The following ADSS2 variants were observed in gnomAD, a reference collection of about 807,000 sequenced individuals.
ADSS2 encodes the protein adenylosuccinate synthetase isozyme 2.
ADSS2 carries 30 observed loss-of-function variants against 60.0 expected under a neutral mutation model. That is an observed-to-expected ratio of 0.50 (90% CI 0.37 to 0.68). The LOEUF is 0.68. Ranked by LOEUF, ADSS2 falls within the 30% of genes least tolerant of loss-of-function variation. ADSS2 has a pLI of 0.00. For missense variants in ADSS2, 373 were observed against 554.8 expected, an observed-to-expected ratio of 0.67 and a Z score of 3.29; for synonymous variants, 187 against 193.1, an observed-to-expected ratio of 0.97 and a Z score of 0.26.
chr1:244,452,050 C>G, upstream of ADSS2: 2 of 375,336 alleles, frequency 5.3e-6, no homozygotes, highest in Non-Finnish European at 9.4e-6. Flanking sequence ...CAGCACCGCC[C>G]GCAGGAAGAG....
rs35132231 is a variant in ADSS2 at position 244,433,859 on chromosome 1, TAAAAAAAAAAA to T, written c.356-1275_356-1265del. Among the ~76,000 whole-genome samples the T allele has an allele frequency of 2.9e-4, 28 of 94,958 alleles. No individual in the cohort carries two copies. In the Admixed American group the frequency reaches 3.1e-3, roughly 11 times the overall value. The allele number at this position is 94,958 out of a possible 152,430, so 62.3% of individuals were successfully genotyped here. A position where few individuals can be genotyped will look rare whatever the true frequency, so the allele number is the denominator to read the frequency against. On this transcript the variant is annotated intron_variant, in intron 3 of 12. Transcript: ENST00000366535. ...TGGCAACAGAGCAAGACTCCATCTT[TAAAAAAAAAAA>T]AAAAAAAAAAAAAGGTAAAGAAAAT...
At chr1:244,449,895 T>C (rs1473872338) in intron 1 of ADSS2, among the ~76,000 whole-genome samples, 1 of 152,190 alleles carries the variant, frequency 6.6e-6, no homozygotes, top group Non-Finnish European at 1.5e-5. Flanking sequence ...AAGACTACTT[T>C]CTCGGTAACA....
Position 244,451,595 on chromosome 1 carries a change from TC to T in ADSS2, c.183+39del. 1.3e-6 allele frequency: 2 copies of T among 1,568,516 alleles called. No individual in the cohort carries two copies. The highest frequency in any genetic ancestry group is 1.7e-6 in the Non-Finnish European group (2 of 1,158,256). On this transcript the variant is annotated intron_variant, in intron 1 of 12. Coordinates refer to ENST00000366535, the MANE Select transcript of ADSS2 (RefSeq NM_001126.5). The surrounding 1 kb of genome is among the most constrained non-coding windows in gnomAD (Gnocchi z 6.6). ...GCACCAGGAGCCAGGCAGCCCGAGC[TC>T]CCGGGCCCGGCTTCCCATGAGAGGC...
intron 3 of ADSS2, among the ~76,000 whole-genome samples, chr1:244,433,859 T>TAAAAAAAAA (rs35132231): frequency 2.1e-5 from 2 of 94,964 alleles, no homozygotes; most frequent in South Asian, 8.3e-4. Context: ...ACTCCATCTT[T>TAAAAAAAAA]AAAAAAAAAA....
At position 244,451,862 on chromosome 1, in the gene ADSS2, A is replaced by G; in HGVS notation, c.-45T>C. On this transcript the variant is annotated 5_prime_UTR_variant, in exon 1 of 13. Transcript: ENST00000366535. The surrounding 1 kb of genome is among the most constrained non-coding windows in gnomAD (Gnocchi z 6.6). Reference sequence around the variant, plus strand: ...GAGCCCGAAGGAGAGGCGGCCGGCGAGGAGTGAGCGAACTGAACTGCTCTG... The same window carrying G: ...GAGCCCGAAGGAGAGGCGGCCGGCGGGGAGTGAGCGAACTGAACTGCTCTG... 1 of 1,502,402 alleles carries G rather than the reference A, an allele frequency of 6.7e-7. No individual in the cohort carries two copies. Among genetic ancestry groups the G allele is most frequent in the Non-Finnish European group, 8.9e-7 (1 of 1,127,494 alleles). The allele number at this position is 1,502,402 out of a possible 1,614,324, so 93.1% of individuals were successfully genotyped here.
In ADSS2 at chr1:244,409,595, T is replaced by A; in HGVS notation, c.1362A>T (p.Gln454His). 7 of 1,608,954 alleles carry A rather than the reference T, an allele frequency of 4.4e-6. No homozygotes were observed. Among genetic ancestry groups the A allele is most frequent in the Non-Finnish European group, 6.0e-6 (7 of 1,175,992 alleles). Residue 454 changes from glutamine (Q) to histidine (H), a missense_variant, in exon 13 of 13, where the codon CAA (glutamine) becomes CAT (histidine). Around this residue, in one of 5 missense-constraint regions of ADSS2, gnomAD observed 130 missense variants for 169.4 expected, o/e 0.77. Transcript: ENST00000366535. ...GVGKSRESMI[Q>H]LF is the part of the protein sequence containing the mutation. ...GCATTACTGGCAATCATTAAAAGAG[T>A]TGAATCATAGATTCTCTGGATTTAC... is the stretch of plus-strand genomic sequence containing the variant.
At chr1:244,446,199 G>A (rs1170921428) in intron 1 of ADSS2, among the ~76,000 whole-genome samples, 1 of 152,206 alleles carries the variant, frequency 6.6e-6, no homozygotes, top group Non-Finnish European at 1.5e-5. Context: ...TGTAAGATCT[G>A]TGTCTCCTCC....
chr1:244,422,766 G>A (rs1664705339), intron 7 of ADSS2, 69 bp downstream of exon 7: 2 of 1,205,328 alleles, frequency 1.7e-6, no homozygotes, highest in African/African-American at 1.5e-5. Flanking sequence ...CTGCATGAAT[G>A]AAAAGATCTA....
chr1:244,427,512 T>C, intron 4 of ADSS2, among the ~76,000 whole-genome samples: 1 of 152,066 alleles, frequency 6.6e-6, no homozygotes, highest in East Asian at 1.9e-4. Context: ...ACATTCCAAT[T>C]AAAGGATGAA....
At chr1:244,422,353 G>A (rs991088954) in intron 7 of ADSS2, among the ~76,000 whole-genome samples, 1 of 152,200 alleles carries the variant, frequency 6.6e-6, no homozygotes, top group African/African-American at 2.4e-5. Context: ...TAGTTGCCAA[G>A]AAAAGACTAA....
intron 1 of ADSS2, among the ~76,000 whole-genome samples, chr1:244,443,179 C>G (rs533001383): frequency 9.2e-5 from 14 of 152,288 alleles, no homozygotes; most frequent in Admixed American, 5.9e-4. Flanking sequence ...TGTTGTTCTA[C>G]TTCTAACGGA....
At chr1:244,443,163 T>C (rs933974502) in intron 1 of ADSS2, among the ~76,000 whole-genome samples, 10 of 152,224 alleles carry the variant, frequency 6.6e-5, no homozygotes, top group Admixed American at 6.5e-4. Context: ...GGAGATATTT[T>C]GTTGTTGTTG....
intron 9 of ADSS2, 53 bp downstream of exon 9, chr1:244,418,707 A>C: frequency 6.7e-7 from 1 of 1,485,290 alleles, no homozygotes; most frequent in Non-Finnish European, 9.0e-7. Context: ...TTAAGAAAAA[A>C]AAGAAGAATG....
Position 244,417,640 on chromosome 1 carries a change from T to C in ADSS2, c.1058A>G (p.Asn353Ser), listed in dbSNP as rs1277064486. 5.6e-6 allele frequency: 9 copies of C among 1,612,046 alleles called. No individual in the cohort carries two copies. Among genetic ancestry groups the C allele is most frequent in the African/African-American group, 4.0e-5 (3 of 74,852 alleles). Residue 353 changes from asparagine (N) to serine (S), a missense_variant, in exon 10 of 13, where the codon AAT becomes AGT. This residue lies in a region of ADSS2 where 130 missense variants were observed against 169.4 expected (regional missense o/e 0.77). Coordinates refer to ENST00000366535, the MANE Select transcript of ADSS2 (RefSeq NM_001126.5). ...LVLLKYAHMINGFTALALTKL... is the reference protein window; with the variant it reads ...LVLLKYAHMISGFTALALTKL... ...GAAGAATACTCACGCAGTAAATCCATTGATCATATGAGCATATTTGAGCAA... is the reference window on the plus strand; with the variant it reads ...GAAGAATACTCACGCAGTAAATCCACTGATCATATGAGCATATTTGAGCAA...
intron 3 of ADSS2, among the ~76,000 whole-genome samples, chr1:244,433,781 A>T (rs1018975967): frequency 1.4e-5 from 2 of 147,694 alleles, no homozygotes. Context: ...AATCACTTGA[A>T]CCCGGGAGGC....
At chr1:244,442,152 G>T (rs1173024054) in intron 1 of ADSS2, among the ~76,000 whole-genome samples, 2 of 151,926 alleles carry the variant, frequency 1.3e-5, no homozygotes. Context: ...TGTTCTTATT[G>T]TGTAACAAAA....
At chr1:244,432,819 C>T (rs1664982839) in intron 3 of ADSS2, among the ~76,000 whole-genome samples, 1 of 151,874 alleles carries the variant, frequency 6.6e-6, no homozygotes, top group African/African-American at 2.4e-5. Context: ...CACCCGCCAC[C>T]ACACCTGGCT....
At chr1:244,427,047 G>C (rs1271306202) in intron 4 of ADSS2, among the ~76,000 whole-genome samples, 4 of 152,048 alleles carry the variant, frequency 2.6e-5, no homozygotes, top group Non-Finnish European at 4.4e-5. Flanking sequence ...AACTAATCTG[G>C]ATTTCATATT....
intron 4 of ADSS2, among the ~76,000 whole-genome samples, chr1:244,430,605 G>C (rs1572138844): frequency 6.6e-6 from 1 of 152,156 alleles, no homozygotes; most frequent in Non-Finnish European, 1.5e-5. Flanking sequence ...GATAAGCAGT[G>C]GTTTTCATTA....
Sources: gnomAD v4.1 joint callset for allele counts (sites outside exome capture counted in the v4.1 genomes callset) on GRCh38, gnomAD v4.1.1 for gene constraint, gnomAD v4.1.1 regional missense constraint, Gnocchi (gnomAD v3.1) non-coding constraint, MANE v1.5 for transcripts, NCBI Gene and HGNC (gene_info 2026-07-23, HGNC 2026-07-21) for gene names.